CNTN3: variants seen among roughly 807,000 people sequenced by gnomAD.
CNTN3 encodes the protein contactin-3.
In CNTN3, 60 loss-of-function variants were observed where a neutral mutation model predicts 119.1. That is an observed-to-expected ratio of 0.50 (90% confidence interval 0.41 to 0.62). CNTN3 has a LOEUF of 0.62. Ranked by LOEUF, CNTN3 falls within the 20% of genes least tolerant of loss-of-function variation. The pLI, the probability that CNTN3 is intolerant of heterozygous loss-of-function variation, is 0.00. For missense variants in CNTN3, 1,101 were observed against 1,242.4 expected (o/e 0.89, Z 1.71); for synonymous variants, 450 against 438.7 (o/e 1.03, Z -0.32).
At chr3:74,380,777 T>C (rs1467591063) in intron 5 of CNTN3, among the ~76,000 whole-genome samples, 1 of 152,240 alleles carries the variant, frequency 6.6e-6, no homozygotes, top group Non-Finnish European at 1.5e-5. Flanking sequence ...AATTAAGGGC[T>C]AGTGAATAAA....
intron 1 of CNTN3, among the ~76,000 whole-genome samples, chr3:74,568,138 T>A (rs186987845): frequency 2.0e-5 from 3 of 149,334 alleles, no homozygotes; most frequent in African/African-American, 7.3e-5. Flanking sequence ...CTCACGCCTA[T>A]GATAACTTAA....
At chr3:74,584,642 G>GT (rs1187234272) in intron 1 of CNTN3, among the ~76,000 whole-genome samples, 1 of 152,098 alleles carries the variant, frequency 6.6e-6, no homozygotes, top group Non-Finnish European at 1.5e-5. Flanking sequence ...CCAGACTTGG[G>GT]TATTATATTT....
At position 74,614,520 on chromosome 3, in the gene CNTN3, AGCC is replaced by A. The variant is rs1048847960; in HGVS notation, c.-213_-211del. Among the ~76,000 whole-genome samples the A allele has an allele frequency of 3.5e-5, 5 of 143,374 alleles. No homozygotes were observed. The highest frequency in any genetic ancestry group is 1.4e-4 in the Admixed American group (2 of 14,514). 94.1% of individuals were successfully genotyped at this position (143,374 alleles called of 152,430 possible). ...GGGGGCCGCCGTGCGCGCCCGCGTA[AGCC>A]GCCGCCGCCGCAGGCGCAGCACCCT... On this transcript the variant is annotated 5_prime_UTR_variant, in exon 1 of 23. Transcript: ENST00000263665.
chr3:74,487,159 TG>T (rs1702874579), intron 3 of CNTN3, among the ~76,000 whole-genome samples: 2 of 152,160 alleles, frequency 1.3e-5, no homozygotes, highest in African/African-American at 4.8e-5. Context: ...ATTTACAAAA[TG>T]GTACACTGTG....
At chr3:74,268,018 CAA>C (rs1384264552) in intron 20 of CNTN3, among the ~76,000 whole-genome samples, 2 of 152,014 alleles carry the variant, frequency 1.3e-5, no homozygotes, top group East Asian at 3.9e-4. Flanking sequence ...TGAAAAATTG[CAA>C]GAGAGTCTAT....
At chr3:74,451,457 T>C (rs1702153798) in intron 4 of CNTN3, among the ~76,000 whole-genome samples, 1 of 152,168 alleles carries the variant, frequency 6.6e-6, no homozygotes, top group Admixed American at 6.6e-5. Context: ...TCTCCCATTT[T>C]GTGGGTTGCC....
intron 18 of CNTN3, among the ~76,000 whole-genome samples, chr3:74,297,167 C>T (rs1702355605): frequency 6.6e-6 from 1 of 152,130 alleles, no homozygotes; most frequent in South Asian, 2.1e-4. Flanking sequence ...ATCCTTTTCT[C>T]AGGCCATGGG....
chr3:74,318,927 T>C (rs1309754515), intron 13 of CNTN3, among the ~76,000 whole-genome samples: 1 of 152,050 alleles, frequency 6.6e-6, no homozygotes, highest in Non-Finnish European at 1.5e-5. Flanking sequence ...CTGCTGTCTT[T>C]ATATAAAATA....
chr3:74,596,450 C>T (rs548159283), intron 1 of CNTN3, among the ~76,000 whole-genome samples: 62 of 152,198 alleles, frequency 4.1e-4, no homozygotes, highest in Non-Finnish European at 5.9e-4. Flanking sequence ...TACAAGGCTA[C>T]AGTAACCAAA....
chr3:74,401,175 A>T (rs1349289232), intron 5 of CNTN3, among the ~76,000 whole-genome samples: 2 of 152,092 alleles, frequency 1.3e-5, no homozygotes, highest in African/African-American at 4.8e-5. Flanking sequence ...AATGTCCCCA[A>T]AAAAGGTTTA....
intron 4 of CNTN3, among the ~76,000 whole-genome samples, chr3:74,443,662 C>T (rs975323471): frequency 3.9e-5 from 6 of 152,138 alleles, no homozygotes; most frequent in African/African-American, 1.4e-4. Context: ...GTTTCTCAGG[C>T]CTTCCTTCCT....
At chr3:74,312,622 TTCACAG>T (rs1702719296) in intron 13 of CNTN3, among the ~76,000 whole-genome samples, 1 of 151,966 alleles carries the variant, frequency 6.6e-6, no homozygotes, top group Non-Finnish European at 1.5e-5. Context: ...ACTGGTGAAG[TTCACAG>T]TCTAGGGGCA....
intron 1 of CNTN3, among the ~76,000 whole-genome samples, chr3:74,539,220 G>T (rs1321762958): frequency 6.6e-6 from 1 of 152,122 alleles, no homozygotes; most frequent in Non-Finnish European, 1.5e-5. Flanking sequence ...AAGCAGGACT[G>T]TCACTTAGGG....
At chr3:74,541,532 T>C (rs1375470731) in intron 1 of CNTN3, among the ~76,000 whole-genome samples, 1 of 152,010 alleles carries the variant, frequency 6.6e-6, no homozygotes, top group Non-Finnish European at 1.5e-5. Context: ...AATATAAAAC[T>C]TAACAATTGT....
intron 1 of CNTN3, among the ~76,000 whole-genome samples, chr3:74,613,688 T>C (rs1029362360): frequency 2.6e-5 from 4 of 152,164 alleles, no homozygotes; most frequent in Non-Finnish European, 5.9e-5. Flanking sequence ...TTCCTGATGG[T>C]GCTATGACCC....
At chr3:74,363,221 C>T (rs1704116029) in intron 10 of CNTN3, among the ~76,000 whole-genome samples, 1 of 152,178 alleles carries the variant, frequency 6.6e-6, no homozygotes, top group South Asian at 2.1e-4. Flanking sequence ...AGTTGATCAT[C>T]CCTCCAGGCA....
At chr3:74,406,506 T>C (rs1165572086) in intron 5 of CNTN3, among the ~76,000 whole-genome samples, 1 of 152,000 alleles carries the variant, frequency 6.6e-6, no homozygotes, top group East Asian at 1.9e-4. Context: ...ATCGTTGCTT[T>C]TCTTATTTGA....
At chr3:74,454,305 T>C (rs1702220010) in intron 4 of CNTN3, among the ~76,000 whole-genome samples, 1 of 138,124 alleles carries the variant, frequency 7.2e-6, no homozygotes, top group Non-Finnish European at 1.6e-5. Context: ...TGGTTTAAAG[T>C]CTGTTTTATC....
At chr3:74,466,426 TATG>T (rs1229647065) in intron 4 of CNTN3, among the ~76,000 whole-genome samples, 1 of 152,172 alleles carries the variant, frequency 6.6e-6, no homozygotes, top group Non-Finnish European at 1.5e-5. Context: ...CGGAAGAAAG[TATG>T]ATAATGAAAT....
Sources: allele counts gnomAD v4.1 joint callset (sites outside exome capture counted in the v4.1 genomes callset), GRCh38; gene constraint gnomAD v4.1.1; transcripts MANE v1.5; gene names NCBI Gene and HGNC (gene_info 2026-07-23, HGNC 2026-07-21).